The following RBFOX1 variants were observed in gnomAD, a reference collection of about 807,000 sequenced individuals.
RBFOX1 encodes RNA binding fox-1 homolog 1.
A neutral mutation model predicts 57.7 loss-of-function variants in RBFOX1; 8 were observed. The ratio of observed to expected loss-of-function variants is 0.14; its 90% CI spans 0.08 to 0.25. RBFOX1 has a LOEUF of 0.25. Ranked by LOEUF, RBFOX1 falls within the 10% of genes least tolerant of loss-of-function variation. The pLI is 1.00. For missense variants in RBFOX1, 611 were observed against 548.5 expected (o/e 1.11, Z -1.14); for synonymous variants, 326 against 222.4 (o/e 1.47, Z -4.15).
intron 3 of RBFOX1, among the ~76,000 whole-genome samples, chr16:6,848,174 C>G (rs910506113): frequency 2.0e-5 from 3 of 151,838 alleles, no homozygotes; most frequent in Admixed American, 6.6e-5. Flanking sequence ...GGAGGCTGAT[C>G]ACAGCCTCCT....
intron 1 of RBFOX1, among the ~76,000 whole-genome samples, chr16:6,244,982 C>T (rs184540362): frequency 1.3e-5 from 2 of 151,986 alleles, no homozygotes; most frequent in Admixed American, 6.6e-5. Flanking sequence ...TCCTTAGTAC[C>T]TCTGACAGTA....
chr16:6,366,354 T>G (rs2089617018), intron 2 of RBFOX1, among the ~76,000 whole-genome samples: 1 of 152,184 alleles, frequency 6.6e-6, no homozygotes, highest in Non-Finnish European at 1.5e-5. Flanking sequence ...ATTTTATACA[T>G]TTAGAATTGT....
chr16:6,249,772 C>CTTTTTTTTTTTT (rs55802545), intron 1 of RBFOX1, among the ~76,000 whole-genome samples: 2 of 140,644 alleles, frequency 1.4e-5, no homozygotes, highest in African/African-American at 2.6e-5. Context: ...CATTTTTTTT[C>CTTTTTTTTTTTT]TTTTTTTTTT....
intron 4 of RBFOX1, among the ~76,000 whole-genome samples, chr16:7,494,975 C>T (rs2068135187): frequency 3.3e-5 from 5 of 151,996 alleles, no homozygotes; most frequent in Admixed American, 3.3e-4. Flanking sequence ...CCATTCCTTC[C>T]TGCCATTTTA....
At chr16:7,280,966 TCC>T (rs2095530399) in intron 4 of RBFOX1, among the ~76,000 whole-genome samples, 1 of 44,954 alleles carries the variant, frequency 2.2e-5, no homozygotes, top group Admixed American at 2.2e-4. Flanking sequence ...CCTCCCTCCC[TCC>T]CTCCCTCCCT....
At chr16:6,901,467 C>T (rs1030134134) in intron 3 of RBFOX1, among the ~76,000 whole-genome samples, 1 of 152,156 alleles carries the variant, frequency 6.6e-6, no homozygotes, top group Non-Finnish European at 1.5e-5. Flanking sequence ...ATGTCTGCCC[C>T]TACGACTCTT....
At chr16:6,966,799 C>G (rs1034564097) in intron 3 of RBFOX1, among the ~76,000 whole-genome samples, 4 of 149,712 alleles carry the variant, frequency 2.7e-5, no homozygotes, top group Admixed American at 6.6e-5. Flanking sequence ...ATCTGTCTGT[C>G]TGTCTGTCTG....
At chr16:7,264,285 G>T (rs1276121704) in intron 4 of RBFOX1, among the ~76,000 whole-genome samples, 1 of 152,162 alleles carries the variant, frequency 6.6e-6, no homozygotes, top group African/African-American at 2.4e-5. Context: ...GTAAACTCAA[G>T]GAAAGCTGAT....
intron 3 of RBFOX1, among the ~76,000 whole-genome samples, chr16:5,807,892 A>T (rs950422826): frequency 1.2e-4 from 19 of 152,182 alleles, no homozygotes; most frequent in African/African-American, 4.6e-4. Context: ...ACAACTGGAC[A>T]CTTTCCAGAA....
chr16:6,345,551 C>T (rs1009217286), intron 2 of RBFOX1, among the ~76,000 whole-genome samples: 1 of 152,132 alleles, frequency 6.6e-6, no homozygotes, highest in Non-Finnish European at 1.5e-5. Context: ...TCCCCACATC[C>T]AGAGTCAGTT....
chr16:7,052,182 G>C, intron 4 of RBFOX1, 84 bp downstream of exon 4: 2 of 1,527,836 alleles, frequency 1.3e-6, no homozygotes, highest in Admixed American at 2.4e-5. Flanking sequence ...CCAAGACACG[G>C]GTTCTAAATA....
chr16:7,061,908 C>A lies in RBFOX1; in HGVS notation c.27+9810C>A, dbSNP rs1401978687. ...TAGGGCAGGAAGCAAATAAATAGGG[C>A]ATCTCTAGTTCCCTCCAGTTGGGGG... On this transcript the variant is annotated intron_variant, in intron 4 of 15. Coordinates refer to ENST00000550418, the MANE Select transcript of RBFOX1 (RefSeq NM_018723.4). 2.6e-5 allele frequency among the ~76,000 whole-genome samples: 4 copies of A among 152,172 alleles called. No homozygotes were observed. In the East Asian group the frequency reaches 5.8e-4, roughly 22 times the overall value.
In RBFOX1 at chr16:5,758,996, A is replaced by T. The variant is rs79948699; in HGVS notation, c.319-108307A>T. On this transcript the variant is annotated intron_variant, in intron 3 of 19. Coordinates refer to the RBFOX1 transcript ENST00000641259. The stretch of plus-strand genomic sequence containing the variant: ...TTGGGAAGACACCATTTGCAGTTAA[A>T]CCATGGTGAGTTTCACGACTTTGAG... Among the ~76,000 whole-genome samples, 480 of 152,302 alleles carry T rather than the reference A, an allele frequency of 3.2e-3. 4 individuals are homozygous for T. Among genetic ancestry groups the T allele is most frequent in the Middle Eastern group, 0.017 (5 of 294 alleles).
intron 3 of RBFOX1, among the ~76,000 whole-genome samples, chr16:6,928,963 T>C (rs1223318994): frequency 1.3e-5 from 2 of 152,056 alleles, no homozygotes; most frequent in Non-Finnish European, 2.9e-5. Flanking sequence ...CTCATGTCAT[T>C]GGGAAGTAAA....
intron 1 of RBFOX1, among the ~76,000 whole-genome samples, chr16:6,247,491 C>T (rs953977015): frequency 6.6e-6 from 1 of 152,178 alleles, no homozygotes; most frequent in African/African-American, 2.4e-5. Flanking sequence ...ATAATTTGAA[C>T]AGTTCTGCAG....
At chr16:7,411,923 AAG>A (rs1217003545) in intron 4 of RBFOX1, among the ~76,000 whole-genome samples, 83 of 121,486 alleles carry the variant, frequency 6.8e-4, no homozygotes, top group South Asian at 2.7e-3. Flanking sequence ...AAAAAAAAAA[AAG>A]ATAGGGAAAA....
chr16:6,916,131 C>T (rs567508591), intron 3 of RBFOX1, among the ~76,000 whole-genome samples: 1 of 152,188 alleles, frequency 6.6e-6, no homozygotes, highest in South Asian at 2.1e-4. Flanking sequence ...CTGAAGGCAA[C>T]CCTCCAGGAG....
At chr16:7,315,454 CT>C (rs2096413996) in intron 4 of RBFOX1, among the ~76,000 whole-genome samples, 1 of 126,410 alleles carries the variant, frequency 7.9e-6, no homozygotes, top group East Asian at 2.0e-4. Flanking sequence ...CTACTCTACC[CT>C]ACCCCCCCCC....
chr16:6,566,666 C>A (rs766048588), intron 2 of RBFOX1, among the ~76,000 whole-genome samples: 1 of 152,208 alleles, frequency 6.6e-6, no homozygotes, highest in African/African-American at 2.4e-5. Flanking sequence ...CTCCTCAAGT[C>A]TGTCTTCTCC....
Sources: gnomAD v4.1 joint callset for allele counts (sites outside exome capture counted in the v4.1 genomes callset) on GRCh38, gnomAD v4.1.1 for gene constraint, MANE v1.5 for transcripts, NCBI Gene and HGNC (gene_info 2026-07-23, HGNC 2026-07-21) for gene names.